EDAR: variants seen among roughly 807,000 people sequenced by gnomAD.
EDAR encodes tumor necrosis factor receptor superfamily member EDAR.
Under a neutral mutation model 51.3 loss-of-function variants are expected in EDAR, and 38 were observed. The observed-to-expected ratio is 0.74, with a 90% CI of 0.57 to 0.97. The LOEUF (loss-of-function observed/expected upper bound fraction) is 0.97. EDAR is among the 50% of genes least tolerant of loss of function. EDAR has a pLI of 0.00. For missense variants in EDAR, 528 were observed against 595.0 expected (o/e 0.89, Z 1.17); for synonymous variants, 227 against 242.1 (o/e 0.94, Z 0.58).
At chr2:108,919,998 C>T (rs955911619) in intron 5 of EDAR, among the ~76,000 whole-genome samples, 3 of 152,242 alleles carry the variant, frequency 2.0e-5, no homozygotes, top group Non-Finnish European at 4.4e-5. Flanking sequence ...CACCAAGCAC[C>T]CTCTTGCCTC....
At chr2:108,979,436 TTCTC>T (rs1403898302) in intron 1 of EDAR, among the ~76,000 whole-genome samples, 2 of 60,430 alleles carry the variant, frequency 3.3e-5, no homozygotes, top group East Asian at 2.2e-4. Context: ...CTCTCTCTCT[TTCTC>T]TCTCTCTGTC....
intron 1 of EDAR, among the ~76,000 whole-genome samples, chr2:108,942,322 G>C (rs1256993710): frequency 2.6e-5 from 4 of 152,178 alleles, no homozygotes; most frequent in African/African-American, 7.2e-5. Flanking sequence ...CTCAACTTTC[G>C]ACACTTCTAC....
intron 1 of EDAR, among the ~76,000 whole-genome samples, chr2:108,958,419 A>C (rs166347): frequency 0.023 from 3,483 of 152,020 alleles, 112 homozygotes; most frequent in African/African-American, 0.079. Context: ...GAAAAAAAAA[A>C]CAAAAAACAA....
chr2:108,916,487 G>A (rs1697030255), intron 5 of EDAR, among the ~76,000 whole-genome samples: 1 of 152,192 alleles, frequency 6.6e-6, no homozygotes, highest in Admixed American at 6.5e-5. Context: ...AATGCCTGCA[G>A]ATGTGACATC....
At position 108,895,965 on chromosome 2, in the gene EDAR, GT is replaced by G. The variant is rs372660681; in HGVS notation, c.*941del. 7.9e-5 allele frequency: 12 copies of G among 152,342 alleles called. No individual in the cohort carries two copies. The highest frequency in any genetic ancestry group is 2.9e-4 in the African/African-American group (12 of 41,572). The allele number at this position is 152,342 out of a possible 1,614,324, so 9.4% of individuals were successfully genotyped here. ...TAATTACAGCTGACTACTCATACATGTTTGAAGTGAAAACACAGCCTGACAC... is the reference window on the plus strand; with the variant it reads ...TAATTACAGCTGACTACTCATACATGTTGAAGTGAAAACACAGCCTGACAC... On this transcript the variant is annotated 3_prime_UTR_variant, in exon 12 of 12. Coordinates refer to ENST00000258443, the MANE Select transcript of EDAR (RefSeq NM_022336.4).
In EDAR at chr2:108,981,889, A is replaced by G. The variant is rs139631963; in HGVS notation, c.-19+7071T>C. Among the ~76,000 whole-genome samples the G allele has an allele frequency of 3.6e-4, 55 of 152,348 alleles. No homozygotes were observed. In the East Asian group the frequency reaches 9.8e-3, roughly 27 times the overall value. ...GGACTGCTGTGCAGATTAAGACGGA[A>G]ACGCTAAGGAAGCAACAAATGCCCA... On this transcript the variant is annotated intron_variant, in intron 1 of 11. Coordinates refer to ENST00000258443, the MANE Select transcript of EDAR (RefSeq NM_022336.4).
In EDAR at chr2:108,908,577, C is replaced by G. The variant is rs79195901; in HGVS notation, c.804-558G>C. 4.8e-3 allele frequency among the ~76,000 whole-genome samples: 725 copies of G among 152,186 alleles called. 6 individuals carry two copies. Among genetic ancestry groups the G allele is most frequent in the South Asian group, 0.023 (110 of 4,822 alleles). ...GCATTGCAGGGGGTGGCACAGCAAG[C>G]CCCAGCGGGTGAGCTGGGTGGGCGG... On this transcript the variant is annotated intron_variant, in intron 9 of 11. Transcript: ENST00000258443.
chr2:108,945,625 T>C (rs946897225), intron 1 of EDAR, among the ~76,000 whole-genome samples: 1 of 152,206 alleles, frequency 6.6e-6, no homozygotes, highest in Non-Finnish European at 1.5e-5. Flanking sequence ...AAAATGCAGC[T>C]AACTTTCTAA....
chr2:108,904,778 A>G (rs552725051), intron 11 of EDAR, among the ~76,000 whole-genome samples: 2 of 152,152 alleles, frequency 1.3e-5, no homozygotes, highest in African/African-American at 2.4e-5. Flanking sequence ...ATAGGAATGG[A>G]GAACAGATTA....
chr2:108,917,259 G>A (rs561765103), intron 5 of EDAR, among the ~76,000 whole-genome samples: 7 of 152,182 alleles, frequency 4.6e-5, no homozygotes, highest in Non-Finnish European at 4.4e-5. Flanking sequence ...CATAGAAGTG[G>A]AGCAGAACAG....
At chr2:108,907,450 A>G (rs1484123285) in intron 10 of EDAR, among the ~76,000 whole-genome samples, 1 of 152,140 alleles carries the variant, frequency 6.6e-6, no homozygotes, top group Non-Finnish European at 1.5e-5. Flanking sequence ...GTTTGAGAGC[A>G]GCCTGGGCAA....
chr2:108,931,580 G>A (rs1697366993), intron 1 of EDAR, among the ~76,000 whole-genome samples: 1 of 152,198 alleles, frequency 6.6e-6, no homozygotes, highest in African/African-American at 2.4e-5. Flanking sequence ...AGCCCAGAGA[G>A]GTTAAGTGAT....
At chr2:108,903,795 C>G (rs1164677966) in intron 11 of EDAR, among the ~76,000 whole-genome samples, 1 of 152,036 alleles carries the variant, frequency 6.6e-6, no homozygotes, top group African/African-American at 2.4e-5. Context: ...AAATGTAAAA[C>G]ATAAAAACTA....
At chr2:108,937,029 G>T (rs1227313014) in intron 1 of EDAR, among the ~76,000 whole-genome samples, 1 of 152,214 alleles carries the variant, frequency 6.6e-6, no homozygotes. Context: ...TGCTGTGCCG[G>T]GGAACAGACA....
At chr2:108,917,647 G>A (rs916349963) in intron 5 of EDAR, among the ~76,000 whole-genome samples, 1 of 152,142 alleles carries the variant, frequency 6.6e-6, no homozygotes, top group African/African-American at 2.4e-5. Flanking sequence ...TAAGACTAGA[G>A]GGGGGTCAAA....
chr2:108,968,418 G>A (rs1698184239), intron 1 of EDAR, among the ~76,000 whole-genome samples: 1 of 152,116 alleles, frequency 6.6e-6, no homozygotes, highest in Non-Finnish European at 1.5e-5. Context: ...TGCAAACCAG[G>A]GATGTAGCAT....
chr2:108,957,620 T>C (rs923429705), intron 1 of EDAR, among the ~76,000 whole-genome samples: 4 of 152,144 alleles, frequency 2.6e-5, no homozygotes, highest in Admixed American at 1.3e-4. Flanking sequence ...GGGTTAAGAG[T>C]AGGTGCCTCC....
chr2:108,978,513 C>T (rs2378227), intron 1 of EDAR, among the ~76,000 whole-genome samples: 31,982 of 152,136 alleles, frequency 0.21, 3,556 homozygotes, highest in Middle Eastern at 0.28. Flanking sequence ...GAGGGAGCCA[C>T]GGGCTTAGGG....
intron 11 of EDAR, among the ~76,000 whole-genome samples, chr2:108,903,699 C>A (rs1558797463): frequency 1.3e-5 from 2 of 151,986 alleles, no homozygotes; most frequent in African/African-American, 4.8e-5. Context: ...CATCCATAGA[C>A]AAAAAAATGA....
Sources: gnomAD v4.1 joint callset for allele counts (sites outside exome capture counted in the v4.1 genomes callset) on GRCh38, gnomAD v4.1.1 for gene constraint, MANE v1.5 for transcripts, NCBI Gene and HGNC (gene_info 2026-07-23, HGNC 2026-07-21) for gene names.